WDR27: variants seen among roughly 807,000 people sequenced by gnomAD.
WDR27 encodes the protein WD repeat-containing protein 27.
Under a neutral mutation model 114.4 loss-of-function variants are expected in WDR27, and 100 were observed. The observed-to-expected ratio is 0.87, with a 90% CI of 0.74 to 1.03. The LOEUF (loss-of-function observed/expected upper bound fraction) is 1.03, where lower values mean the gene tolerates loss of function less well. WDR27 is among the 50% of genes least tolerant of loss of function. WDR27 has a pLI of 0.00. For synonymous variants in WDR27, 449 were observed against 423.1 expected (o/e 1.06, Z -0.75); for missense variants, 1,129 against 1,092.9 (o/e 1.03, Z -0.47).
chr6:169,635,511 A>G (rs1817466773), intron 19 of WDR27, among the ~76,000 whole-genome samples: 1 of 152,178 alleles, frequency 6.6e-6, no homozygotes, highest in South Asian at 2.1e-4. Context: ...CACAGGCCAG[A>G]AGTCACTCCT....
At chr6:169,685,454 A>G (rs920326525) in intron 2 of WDR27, among the ~76,000 whole-genome samples, 2 of 152,186 alleles carry the variant, frequency 1.3e-5, no homozygotes, top group Non-Finnish European at 2.9e-5. Context: ...CAACAAAATC[A>G]GGAAAACAAC....
intron 12 of WDR27, 119 bp downstream of exon 12, chr6:169,658,967 G>C: frequency 7.3e-7 from 1 of 1,376,764 alleles, no homozygotes; most frequent in South Asian, 1.8e-5. Context: ...GATTATAGGC[G>C]TGAGCCACCG....
chr6:169,443,656 G>A, the WDR27 span, among the ~76,000 whole-genome samples: 3 of 152,338 alleles, frequency 2.0e-5, no homozygotes, highest in East Asian at 5.8e-4. Flanking sequence ...CATAGGCTGA[G>A]GAGGAGCCAC....
chr6:169,546,037 C>A (rs1240792891), intron 25 of WDR27, among the ~76,000 whole-genome samples: 1 of 151,884 alleles, frequency 6.6e-6, no homozygotes, highest in Non-Finnish European at 1.5e-5. Context: ...GCCTCGCCGG[C>A]CATTAAGGAA....
At chr6:169,630,873 G>C (rs1816163688) in intron 21 of WDR27, among the ~76,000 whole-genome samples, 1 of 141,392 alleles carries the variant, frequency 7.1e-6, no homozygotes, top group Non-Finnish European at 1.5e-5. Context: ...CAACCTGGGA[G>C]ACAGAGGAAG....
chr6:169,550,142 C>G (rs928297135), intron 25 of WDR27, among the ~76,000 whole-genome samples: 2 of 152,218 alleles, frequency 1.3e-5, no homozygotes, highest in Non-Finnish European at 2.9e-5. Context: ...AATCTCCATA[C>G]TTTCCTCACA....
At chr6:169,454,945 G>A (rs1784292568), downstream of WDR27, among the ~76,000 whole-genome samples, 1 of 152,252 alleles carries the variant, frequency 6.6e-6, no homozygotes, top group Non-Finnish European at 1.5e-5. Context: ...GGTGAAGCAG[G>A]ACCACCACAG....
intron 25 of WDR27, among the ~76,000 whole-genome samples, chr6:169,499,590 C>T (rs934427094): frequency 1.3e-5 from 2 of 152,236 alleles, no homozygotes; most frequent in African/African-American, 4.8e-5. Context: ...CTAAGACAGC[C>T]AGAAGACAGT....
intron 25 of WDR27, among the ~76,000 whole-genome samples, chr6:169,556,939 G>A (rs1798970922): frequency 6.6e-6 from 1 of 152,104 alleles, no homozygotes. Context: ...ATGGCACTGA[G>A]ACTCTCATAC....
intron 18 of WDR27, among the ~76,000 whole-genome samples, chr6:169,637,649 T>C (rs1409054312): frequency 1.3e-5 from 2 of 152,042 alleles, no homozygotes; most frequent in Non-Finnish European, 2.9e-5. Flanking sequence ...TGTGTATGCA[T>C]CTCCATGTGT....
chr6:169,586,847 C>CAAAAAAAAAAAAAA lies in WDR27; in HGVS notation c.2425-3927_2425-3914dup, dbSNP rs3029697. ...CTGGCGACACAGCTAGACTCTGTCT[C>CAAAAAAAAAAAAAA]AAAAAAAAAAAAAAAAAAAAAAAAA... On this transcript the variant is annotated intron_variant, in intron 23 of 25. Transcript: ENST00000448612. Among the ~76,000 whole-genome samples, 127 of 32,056 alleles carry CAAAAAAAAAAAAAA rather than the reference C, an allele frequency of 4.0e-3. 43 individuals are homozygous for CAAAAAAAAAAAAAA. Among genetic ancestry groups the CAAAAAAAAAAAAAA allele is most frequent in the South Asian group, 8.5e-3 (4 of 468 alleles). 21.0% of individuals were successfully genotyped at this position (32,056 alleles called of 152,430 possible).
At chr6:169,683,879 C>T (rs900284605) in intron 2 of WDR27, among the ~76,000 whole-genome samples, 2 of 152,216 alleles carry the variant, frequency 1.3e-5, no homozygotes, top group Non-Finnish European at 2.9e-5. Context: ...TGCATTACCC[C>T]AGATTAGGAG....
At chr6:169,665,645 C>T (rs918072388) in intron 6 of WDR27, 89 bp from the exon 7 acceptor site, 46 of 1,196,174 alleles carry the variant, frequency 3.8e-5, no homozygotes, top group Middle Eastern at 4.0e-4. Flanking sequence ...TCTCTTTACA[C>T]GTAATATTTA....
chr6:169,524,980 G>C (rs1794785580), intron 25 of WDR27, among the ~76,000 whole-genome samples: 1 of 152,136 alleles, frequency 6.6e-6, no homozygotes, highest in Non-Finnish European at 1.5e-5. Context: ...GAAACATTAA[G>C]TGAAGAGACA....
intron 22 of WDR27, among the ~76,000 whole-genome samples, chr6:169,610,793 A>G (rs536404450): frequency 1.3e-5 from 2 of 152,360 alleles, no homozygotes; most frequent in East Asian, 1.9e-4. Context: ...TAACTCAGAA[A>G]TGAAAAACCT....
At chr6:169,616,054 A>G (rs947741849) in intron 21 of WDR27, among the ~76,000 whole-genome samples, 1 of 152,124 alleles carries the variant, frequency 6.6e-6, no homozygotes, top group Non-Finnish European at 1.5e-5. Flanking sequence ...AAACAGATAT[A>G]AGGTAAAGAA....
chr6:169,666,738 G>A, intron 6 of WDR27: 2 of 992,522 alleles, frequency 2.0e-6, no homozygotes, highest in Non-Finnish European at 2.4e-6. Flanking sequence ...TGACCATGAG[G>A]CCAGGTGTGG....
At chr6:169,644,032 T>C (rs1819848766) in intron 16 of WDR27, among the ~76,000 whole-genome samples, 2 of 151,462 alleles carry the variant, frequency 1.3e-5, no homozygotes, top group South Asian at 4.1e-4. Context: ...GGAGTCACAC[T>C]GTAGAAAAGC....
chr6:169,534,397 ATCTC>A (rs1795982877), intron 25 of WDR27, among the ~76,000 whole-genome samples: 2 of 152,198 alleles, frequency 1.3e-5, no homozygotes, highest in Admixed American at 6.5e-5. Flanking sequence ...GGTAATACTC[ATCTC>A]ACAGAGTGAT....
Sources: gnomAD v4.1 joint callset for allele counts (sites outside exome capture counted in the v4.1 genomes callset) on GRCh38, gnomAD v4.1.1 for gene constraint, MANE v1.5 for transcripts, NCBI Gene and HGNC (gene_info 2026-07-23, HGNC 2026-07-21) for gene names.